RPS6KA2: variants seen among roughly 807,000 people sequenced by gnomAD.
The protein encoded by RPS6KA2 is ribosomal protein S6 kinase A2.
RPS6KA2 carries 42 observed loss-of-function variants against 91.8 expected under a neutral mutation model. The ratio of observed to expected loss-of-function variants is 0.46; its 90% CI spans 0.36 to 0.59. RPS6KA2 has a LOEUF of 0.59. Among genes scored for constraint, RPS6KA2 ranks in the 20% least tolerant of loss-of-function variants. The pLI is 0.00. For missense variants in RPS6KA2, 798 were observed against 978.5 expected, an observed-to-expected ratio of 0.82 and a Z score of 2.46; for synonymous variants, 414 against 393.6, an observed-to-expected ratio of 1.05 and a Z score of -0.61.
At chr6:166,515,574 C>A (rs185858716) in intron 3 of RPS6KA2, among the ~76,000 whole-genome samples, 2 of 152,200 alleles carry the variant, frequency 1.3e-5, no homozygotes, top group African/African-American at 4.8e-5. Flanking sequence ...ATCGGCGTGA[C>A]GTCATTAGGA....
At chr6:166,847,954 G>C (rs1780647616) in intron 2 of RPS6KA2, among the ~76,000 whole-genome samples, 1 of 152,132 alleles carries the variant, frequency 6.6e-6, no homozygotes, top group African/African-American at 2.4e-5. Flanking sequence ...CAAAAGAAAT[G>C]ATCAGCAGAG....
chr6:166,665,906 C>A lies in RPS6KA2; in HGVS notation c.124-127122G>T, dbSNP rs569264624. ...CAGCCTGCTTCCTGGGCAGGAAATT[C>A]ACATGTGAAATCCAGTTTCTGAGAG... On this transcript the variant is annotated intron_variant, in intron 2 of 21. Coordinates refer to the RPS6KA2 transcript ENST00000503859. This position sits in a 1 kb window ranked among gnomAD's most constrained non-coding sequence, Gnocchi z 4.5. Among the ~76,000 whole-genome samples, 4 of 152,326 alleles carry A rather than the reference C, an allele frequency of 2.6e-5. No individual in the cohort carries two copies. The South Asian group carries it at 8.3e-4, about 32-fold the overall frequency.
At chr6:166,843,556 T>G (rs569275092) in intron 2 of RPS6KA2, among the ~76,000 whole-genome samples, 1 of 152,296 alleles carries the variant, frequency 6.6e-6, no homozygotes, top group Non-Finnish European at 1.5e-5. Context: ...GGTGCTGGTA[T>G]CCACAGCTGA....
intron 10 of RPS6KA2, among the ~76,000 whole-genome samples, chr6:166,485,523 T>C (rs535808916): frequency 1.3e-5 from 2 of 152,244 alleles, no homozygotes; most frequent in East Asian, 1.9e-4. Flanking sequence ...GACACTGCAA[T>C]GGAAGGGACT....
chr6:166,464,633 A>G (rs1206447352), intron 11 of RPS6KA2, among the ~76,000 whole-genome samples: 3 of 152,128 alleles, frequency 2.0e-5, no homozygotes, highest in Non-Finnish European at 4.4e-5. Context: ...TGCTGTCTGC[A>G]GTGATTAACT....
chr6:166,569,274 A>C (rs985721059), intron 1 of RPS6KA2, among the ~76,000 whole-genome samples: 1 of 152,180 alleles, frequency 6.6e-6, no homozygotes, highest in African/African-American at 2.4e-5. Flanking sequence ...CCCGTCTTCC[A>C]TGGCGGGTTT....
intron 2 of RPS6KA2, among the ~76,000 whole-genome samples, chr6:166,640,456 C>A (rs1479038848): frequency 6.6e-6 from 1 of 152,184 alleles, no homozygotes; most frequent in African/African-American, 2.4e-5. Flanking sequence ...GAGAGGCGCG[C>A]CCTGTGGTGC....
At chr6:166,700,031 A>T (rs911737984) in intron 2 of RPS6KA2, among the ~76,000 whole-genome samples, 3 of 152,244 alleles carry the variant, frequency 2.0e-5, no homozygotes, top group African/African-American at 7.2e-5. Context: ...AAGACAAGCT[A>T]AAGCTTGCTT....
At chr6:166,454,504 A>G (rs1780027171) in intron 12 of RPS6KA2, among the ~76,000 whole-genome samples, 1 of 152,204 alleles carries the variant, frequency 6.6e-6, no homozygotes, top group African/African-American at 2.4e-5. Context: ...TCTCAAACAA[A>G]ACAAAACAAA....
At chr6:166,461,058 G>A (rs192042298) in intron 11 of RPS6KA2, among the ~76,000 whole-genome samples, 1 of 152,186 alleles carries the variant, frequency 6.6e-6, no homozygotes, top group South Asian at 2.1e-4. Flanking sequence ...GCAGGAGGGC[G>A]AGGTGCCAAC....
intron 11 of RPS6KA2, among the ~76,000 whole-genome samples, chr6:166,468,586 G>A (rs554240744): frequency 4.6e-5 from 7 of 152,184 alleles, no homozygotes; most frequent in Non-Finnish European, 8.8e-5. Flanking sequence ...GACAGAGGCC[G>A]GGCGCGGTGG....
intron 2 of RPS6KA2, among the ~76,000 whole-genome samples, chr6:166,745,338 A>C (rs1184618664): frequency 6.6e-6 from 1 of 151,644 alleles, no homozygotes. Flanking sequence ...TTTTAGTAGA[A>C]ATGGGGTTTT....
chr6:166,688,532 T>TG (rs1374221139), intron 2 of RPS6KA2, among the ~76,000 whole-genome samples: 1 of 152,004 alleles, frequency 6.6e-6, no homozygotes, highest in Non-Finnish European at 1.5e-5. Context: ...AGCAGAACCG[T>TG]GGGGTAAAAC....
chr6:166,724,741 G>GA (rs1790285403), intron 2 of RPS6KA2, among the ~76,000 whole-genome samples: 1 of 152,144 alleles, frequency 6.6e-6, no homozygotes, highest in Non-Finnish European at 1.5e-5. Context: ...TTTTAACGTG[G>GA]ACCATCTGCA....
rs1190489207 is a variant in RPS6KA2, at chr6:166,639,234, T to C, written c.124-100450A>G. On this transcript the variant is annotated intron_variant, in intron 2 of 21. Coordinates refer to the RPS6KA2 transcript ENST00000503859. The surrounding 1 kb of genome is among the most constrained non-coding windows in gnomAD (Gnocchi z 4.2). ...TATTGTCTTATGCAAGGCATAACCA[T>C]GTGCCCCGCTGCCCAAACCAGAAGG... Among the ~76,000 whole-genome samples, 1 of 152,214 alleles carries C rather than the reference T, an allele frequency of 6.6e-6. No homozygotes were observed. Among genetic ancestry groups the C allele is most frequent in the Non-Finnish European group, 1.5e-5 (1 of 68,042 alleles).
At chr6:166,479,780 G>A (rs1383433772) in intron 10 of RPS6KA2, among the ~76,000 whole-genome samples, 1 of 152,270 alleles carries the variant, frequency 6.6e-6, no homozygotes, top group Non-Finnish European at 1.5e-5. Context: ...ACCCGCTGTA[G>A]GAGCTGCTTG....
intron 2 of RPS6KA2, among the ~76,000 whole-genome samples, chr6:166,740,528 A>C (rs909765): frequency 0.084 from 12,802 of 152,282 alleles, 596 homozygotes; most frequent in Middle Eastern, 0.14. Flanking sequence ...AGAACAACCC[A>C]GTCTTTATGT....
intron 1 of RPS6KA2, among the ~76,000 whole-genome samples, chr6:166,577,145 T>A (rs1329201565): frequency 6.6e-6 from 1 of 152,178 alleles, no homozygotes; most frequent in Non-Finnish European, 1.5e-5. Flanking sequence ...AGAAGATGTA[T>A]GGAAAACGCC....
chr6:166,736,045 C>T lies in RPS6KA2; in HGVS notation c.123+122155G>A, dbSNP rs189456742. On this transcript the variant is annotated intron_variant, in intron 2 of 21. Transcript: ENST00000503859. ...AAATTTCTGGAACAGTCAGACCCCTCGACCAATGCAGAACAGCTGATTTTC... is the reference window on the plus strand; with the variant it reads ...AAATTTCTGGAACAGTCAGACCCCTTGACCAATGCAGAACAGCTGATTTTC... Among the ~76,000 whole-genome samples, 130 of 152,304 alleles carry T rather than the reference C, an allele frequency of 8.5e-4. 1 individual carries two copies. The highest frequency in any genetic ancestry group is 1.9e-3 in the Admixed American group (29 of 15,300).
Sources: allele counts gnomAD v4.1 joint callset (sites outside exome capture counted in the v4.1 genomes callset), GRCh38; gene constraint gnomAD v4.1.1; non-coding constraint Gnocchi (gnomAD v3.1); transcripts MANE v1.5; gene names NCBI Gene and HGNC (gene_info 2026-07-23, HGNC 2026-07-21).